The following DNAJB5 variants were observed in gnomAD, a reference collection of about 807,000 sequenced individuals.
DNAJB5 encodes the protein dnaJ homolog subfamily B member 5.
A neutral mutation model predicts 32.6 loss-of-function variants in DNAJB5; 12 were observed. The ratio of observed to expected loss-of-function variants is 0.37; its 90% CI spans 0.24 to 0.60. The LOEUF is 0.60. Among genes scored for constraint, DNAJB5 ranks in the 20% least tolerant of loss-of-function variants. DNAJB5 has a pLI of 0.71. For missense variants in DNAJB5, 358 were observed against 554.2 expected (o/e 0.65, Z 3.55); for synonymous variants, 188 against 212.9 (o/e 0.88, Z 1.02).
chr9:34,990,566 T>G lies in DNAJB5; in HGVS notation c.-65T>G. On this transcript the variant is annotated 5_prime_UTR_variant, in exon 2 of 5. Coordinates refer to ENST00000682809, the MANE Select transcript of DNAJB5 (RefSeq NM_001349723.3). The surrounding 1 kb of genome is among the most constrained non-coding windows in gnomAD (Gnocchi z 4.5). ...CCTCTGAGAGTCCAAGGAGGTGGCT[T>G]CCAGAGCTGCAGCACTTCAGGCCGG... 2 of 1,550,568 alleles carry G rather than the reference T, an allele frequency of 1.3e-6. No homozygotes were observed. Among genetic ancestry groups the G allele is most frequent in the Non-Finnish European group, 1.7e-6 (2 of 1,146,866 alleles).
rs762951793 is a variant in DNAJB5 at position 34,996,658 on chromosome 9, G to A, written c.821G>A (p.Arg274Gln). The A allele has an allele frequency of 5.0e-6, 8 of 1,614,102 alleles. No individual in the cohort carries two copies. The highest frequency in any genetic ancestry group is 2.2e-5 in the South Asian group (2 of 91,078). Residue 274 changes from arginine to glutamine, a missense_variant, in exon 4 of 5, where the codon CGA becomes CAA. By Grantham distance (43) the Arg-to-Gln change is conservative (BLOSUM62 1). Transcript: ENST00000682809. The surrounding 1 kb of genome is among the most constrained non-coding windows in gnomAD (Gnocchi z 7.2). ...ITRRRLNPDGRTVRTEDKILH... is the reference protein window; with the variant it reads ...ITRRRLNPDGQTVRTEDKILH... ...AGGCGTCGCCTCAACCCTGATGGGC[G>A]AACTGTGCGCACCGAGGACAAGATC...
In DNAJB5 at chr9:34,990,798, G is replaced by C; in HGVS notation, c.168G>C (p.Gly56=). 1 of 1,551,124 alleles carries C rather than the reference G, an allele frequency of 6.4e-7. No individual in the cohort carries two copies. Among genetic ancestry groups the C allele is most frequent in the Non-Finnish European group, 8.7e-7 (1 of 1,146,740 alleles). ...AACTTCGAGCGTGGACGCTGAATGG[G>C]TTTGTAAAGTTTCGGTAAGTCCCTC... ...PLKLRAWTLN[G]FVKFRNKETS... Residue 56 remains glycine, a synonymous_variant, in exon 2 of 5, where the codon GGG becomes GGC. Coordinates refer to ENST00000682809, the MANE Select transcript of DNAJB5 (RefSeq NM_001349723.3). This position sits in a 1 kb window ranked among gnomAD's most constrained non-coding sequence, Gnocchi z 4.5.
At chr9:34,991,639 G>A (rs1372876272) in intron 2 of DNAJB5, 6 of 143,458 alleles carry the variant, frequency 4.2e-5, no homozygotes, top group Non-Finnish European at 7.1e-5. Flanking sequence ...CCTCTCAGAC[G>A]GCTTTTGCTG....
intron 3 of DNAJB5, among the ~76,000 whole-genome samples, chr9:34,995,977 C>T (rs1202202186): frequency 6.6e-6 from 1 of 152,206 alleles, no homozygotes; most frequent in African/African-American, 2.4e-5. Flanking sequence ...GAAAAGATTA[C>T]AGGACTGGAA....
rs748881964 is a variant in DNAJB5, at chr9:34,996,278, CGG to C, written c.442_443del (p.Gly148TrpfsTer49). The C allele has an allele frequency of 4.3e-6, 7 of 1,613,260 alleles. No individual in the cohort carries two copies. The highest frequency in any genetic ancestry group is 5.9e-6 in the Non-Finnish European group (7 of 1,179,464). The stretch of plus-strand genomic sequence containing the variant: ...CCTCCCCTCTAGGCCTGAAGACCGG[CGG>C]TGGCACATCAGGTGGCTCCAGTGGC... ...QYGEEGLKTGGGTSGGSSGSF... is the reference protein window; with the variant it reads ...QYGEEGLKTGXGTSGGSSGSF... On this transcript the variant is annotated frameshift_variant, in exon 4 of 5. Coordinates refer to ENST00000682809, the MANE Select transcript of DNAJB5 (RefSeq NM_001349723.3). LOFTEE classifies it high-confidence loss of function. This position sits in a 1 kb window ranked among gnomAD's most constrained non-coding sequence, Gnocchi z 7.2.
Position 34,991,622 on chromosome 9 carries a change from C to A in DNAJB5, c.182+810C>A, listed in dbSNP as rs1022156996. 2.0e-3 allele frequency: 383 copies of A among 194,556 alleles called. 9 individuals carry two copies. The highest frequency in any genetic ancestry group is 0.011 in the African/African-American group (360 of 33,694). 12.1% of individuals were successfully genotyped at this position (194,556 alleles called of 1,614,324 possible). A position where few individuals can be genotyped will look rare whatever the true frequency, so the allele number is the denominator to read the frequency against. ...AGGCAGAAATGGCAGACCACCCCCCCCCGCTCCCTCTCAGACGGCTTTTGC... is the reference window on the plus strand; with the variant it reads ...AGGCAGAAATGGCAGACCACCCCCCACCGCTCCCTCTCAGACGGCTTTTGC... On this transcript the variant is annotated intron_variant, in intron 2 of 4. Transcript: ENST00000682809.
chr9:34,995,218 T>C (rs887548991), intron 3 of DNAJB5, among the ~76,000 whole-genome samples: 8 of 152,164 alleles, frequency 5.3e-5, no homozygotes, highest in African/African-American at 1.9e-4. Flanking sequence ...AAGAGGCTAA[T>C]TTAGGCTCAG....
chr9:34,995,558 CTA>C (rs1417012950), intron 3 of DNAJB5, among the ~76,000 whole-genome samples: 1 of 152,236 alleles, frequency 6.6e-6, no homozygotes, highest in African/African-American at 2.4e-5. Flanking sequence ...CCATTGTAGT[CTA>C]TGTCTGTACA....
Position 34,990,691 on chromosome 9 carries a change from G to A in DNAJB5, c.61G>A (p.Gly21Arg). The change falls in exon 2 of 5, where the codon GGA becomes AGA. Residue 21 changes from glycine (G) to arginine (R), a missense_variant. By Grantham distance (125) the Gly-to-Arg change is moderately radical. This residue lies in a region of DNAJB5 where 110 missense variants were observed against 111.7 expected (regional missense o/e 0.99). Coordinates refer to ENST00000682809, the MANE Select transcript of DNAJB5 (RefSeq NM_001349723.3). The surrounding 1 kb of genome is among the most constrained non-coding windows in gnomAD (Gnocchi z 4.5). ...AGCAGCACCCCCACTGCAGGCCCGA[G>A]GAGCTTTCCGGAGCTTCCCACACTC... is the stretch of plus-strand genomic sequence containing the variant. ...PPAAPPLQAR[G>R]AFRSFPHSWG... is the part of the protein sequence containing the mutation. 1 of 1,551,698 alleles carries A rather than the reference G, an allele frequency of 6.4e-7. No homozygotes were observed. The highest frequency in any genetic ancestry group is 8.7e-7 in the Non-Finnish European group (1 of 1,146,994).
In DNAJB5 at chr9:34,990,874, C is replaced by T. The variant is rs147463499; in HGVS notation, c.182+62C>T. 0.012 allele frequency: 18,400 copies of T among 1,481,320 alleles called. 163 individuals are homozygous for T. The highest frequency in any genetic ancestry group is 0.031 in the Middle Eastern group (136 of 4,332). 91.8% of individuals were successfully genotyped at this position (1,481,320 alleles called of 1,614,324 possible). The stretch of plus-strand genomic sequence containing the variant: ...CCAGTCAAACCCTCCACGCGGCCAT[C>T]CCCTCCATTGCCTTCCTGCTTCCTC... On this transcript the variant is annotated intron_variant, in intron 2 of 4. Transcript: ENST00000682809. The surrounding 1 kb of genome is among the most constrained non-coding windows in gnomAD (Gnocchi z 4.5).
At chr9:34,991,610 A>AG in intron 2 of DNAJB5, 2 of 222,188 alleles carry the variant, frequency 9.0e-6, no homozygotes, top group South Asian at 2.9e-5. Flanking sequence ...CAGAAATGGC[A>AG]GACCACCCCC....
rs1771499551 is a variant in DNAJB5, at chr9:34,990,252, T to C, written c.-132-247T>C. On this transcript the variant is annotated intron_variant, in intron 1 of 4. Coordinates refer to ENST00000682809, the MANE Select transcript of DNAJB5 (RefSeq NM_001349723.3). The surrounding 1 kb of genome is among the most constrained non-coding windows in gnomAD (Gnocchi z 4.5). ...GAGGAGACTCCCGTCAGTGACTTCA[T>C]TGAGTAGGTTCTTGGGGATTGGGGT... The C allele has an allele frequency of 3.8e-6, 5 of 1,321,382 alleles. No homozygotes were observed. Among genetic ancestry groups the C allele is most frequent in the East Asian group, 4.0e-5 (1 of 25,102 alleles). 81.9% of individuals were successfully genotyped at this position (1,321,382 alleles called of 1,614,324 possible).
chr9:34,990,238 C>A lies in DNAJB5; in HGVS notation c.-132-261C>A, dbSNP rs183721272. On this transcript the variant is annotated intron_variant, in intron 1 of 4. Coordinates refer to ENST00000682809, the MANE Select transcript of DNAJB5 (RefSeq NM_001349723.3). The surrounding 1 kb of genome is among the most constrained non-coding windows in gnomAD (Gnocchi z 4.5). ...GCCCATCTGCGAGGGAGGAGACTCCCGTCAGTGACTTCATTGAGTAGGTTC... is the reference window on the plus strand; with the variant it reads ...GCCCATCTGCGAGGGAGGAGACTCCAGTCAGTGACTTCATTGAGTAGGTTC... 28 of 1,328,872 alleles carry A rather than the reference C, an allele frequency of 2.1e-5. No individual in the cohort carries two copies. The Admixed American group carries it at 2.2e-4, about 10-fold the overall frequency. The allele number at this position is 1,328,872 out of a possible 1,614,324, so 82.3% of individuals were successfully genotyped here. A position where few individuals can be genotyped will look rare whatever the true frequency, so the allele number is the denominator to read the frequency against.
chr9:34,993,114 G>A lies in DNAJB5; in HGVS notation c.183-86G>A. ...GCATGACCTGCTGAAGGTTACCCAGGGAGTCATTTAGGGATTGCAAGATCA... is the reference window on the plus strand; with the variant it reads ...GCATGACCTGCTGAAGGTTACCCAGAGAGTCATTTAGGGATTGCAAGATCA... On this transcript the variant is annotated intron_variant, in intron 2 of 4. Coordinates refer to ENST00000682809, the MANE Select transcript of DNAJB5 (RefSeq NM_001349723.3). The surrounding 1 kb of genome is among the most constrained non-coding windows in gnomAD (Gnocchi z 4.7). 2.0e-6 allele frequency: 3 copies of A among 1,488,862 alleles called. No individual in the cohort carries two copies. The highest frequency in any genetic ancestry group is 2.7e-6 in the Non-Finnish European group (3 of 1,123,206). 92.2% of individuals were successfully genotyped at this position (1,488,862 alleles called of 1,614,324 possible). A position where few individuals can be genotyped will look rare whatever the true frequency, so the allele number is the denominator to read the frequency against.
Position 34,997,665 on chromosome 9 carries a change from GAA to G in DNAJB5, c.*409_*410del, listed in dbSNP as rs1827841402. ...CTTTGGCTTCCTGCTGTTGGGGGTGGAAAAGACTAGAAAGGACATTGCTTTCT... is the reference window on the plus strand; with the variant it reads ...CTTTGGCTTCCTGCTGTTGGGGGTGGAAGACTAGAAAGGACATTGCTTTCT... On this transcript the variant is annotated 3_prime_UTR_variant, in exon 5 of 5. Coordinates refer to ENST00000682809, the MANE Select transcript of DNAJB5 (RefSeq NM_001349723.3). The surrounding 1 kb of genome is among the most constrained non-coding windows in gnomAD (Gnocchi z 4.1). 2.8e-6 allele frequency: 1 copy of G among 352,720 alleles called. No individual in the cohort carries two copies. The highest frequency in any genetic ancestry group is 5.5e-6 in the Non-Finnish European group (1 of 180,284). 21.8% of individuals were successfully genotyped at this position (352,720 alleles called of 1,614,324 possible). A position where few individuals can be genotyped will look rare whatever the true frequency, so the allele number is the denominator to read the frequency against.
chr9:34,990,211 C>T lies in DNAJB5; in HGVS notation c.-132-288C>T, dbSNP rs1827584182. On this transcript the variant is annotated intron_variant, in intron 1 of 4. Transcript: ENST00000682809. This position sits in a 1 kb window ranked among gnomAD's most constrained non-coding sequence, Gnocchi z 4.5. ...TGTCCCGGCCGAGCTCCGCTCTGCC[C>T]CGCCCATCTGCGAGGGAGGAGACTC... 4.6e-6 allele frequency: 6 copies of T among 1,312,468 alleles called. No individual in the cohort carries two copies. The Admixed American group carries it at 7.8e-5, about 17-fold the overall frequency. The allele number at this position is 1,312,468 out of a possible 1,614,324, so 81.3% of individuals were successfully genotyped here. A position where few individuals can be genotyped will look rare whatever the true frequency, so the allele number is the denominator to read the frequency against.
In DNAJB5 at chr9:34,990,241, C is replaced by A; in HGVS notation, c.-132-258C>A. On this transcript the variant is annotated intron_variant, in intron 1 of 4. Coordinates refer to ENST00000682809, the MANE Select transcript of DNAJB5 (RefSeq NM_001349723.3). This position sits in a 1 kb window ranked among gnomAD's most constrained non-coding sequence, Gnocchi z 4.5. ...CATCTGCGAGGGAGGAGACTCCCGT[C>A]AGTGACTTCATTGAGTAGGTTCTTG... 2 of 1,327,090 alleles carry A rather than the reference C, an allele frequency of 1.5e-6. No individual in the cohort carries two copies. Among genetic ancestry groups the A allele is most frequent in the Non-Finnish European group, 2.0e-6 (2 of 1,020,526 alleles). The allele number at this position is 1,327,090 out of a possible 1,614,324, so 82.2% of individuals were successfully genotyped here. A position where few individuals can be genotyped will look rare whatever the true frequency, so the allele number is the denominator to read the frequency against.
Position 34,990,852 on chromosome 9 carries a change from G to C in DNAJB5, c.182+40G>C, listed in dbSNP as rs374236625. Reference sequence around the variant, plus strand: ...AGAAGGGCACTCACACCCATACCCAGTCAAACCCTCCACGCGGCCATCCCC... The same window carrying C: ...AGAAGGGCACTCACACCCATACCCACTCAAACCCTCCACGCGGCCATCCCC... On this transcript the variant is annotated intron_variant, in intron 2 of 4. Transcript: ENST00000682809. This position sits in a 1 kb window ranked among gnomAD's most constrained non-coding sequence, Gnocchi z 4.5. 289 of 1,520,448 alleles carry C rather than the reference G, an allele frequency of 1.9e-4. No individual in the cohort carries two copies. The African/African-American group carries it at 3.7e-3, about 19-fold the overall frequency. 94.2% of individuals were successfully genotyped at this position (1,520,448 alleles called of 1,614,324 possible).
At chr9:34,994,624 C>T (rs187684610) in intron 3 of DNAJB5, among the ~76,000 whole-genome samples, 178 of 152,296 alleles carry the variant, frequency 1.2e-3, no homozygotes, top group Admixed American at 4.6e-3. Context: ...TGGAATTGCA[C>T]CCATTCCTCC....
Sources: gnomAD v4.1 joint callset for allele counts (sites outside exome capture counted in the v4.1 genomes callset) on GRCh38, gnomAD v4.1.1 for gene constraint, gnomAD v4.1.1 regional missense constraint, Gnocchi (gnomAD v3.1) non-coding constraint, MANE v1.5 for transcripts, NCBI Gene and HGNC (gene_info 2026-07-23, HGNC 2026-07-21) for gene names.